Variants in PDE10A observed in about 807,000 individuals in gnomAD.
The protein encoded by PDE10A is phosphodiesterase 10A.
Under a neutral mutation model 97.7 loss-of-function variants are expected in PDE10A, and 39 were observed. The observed-to-expected ratio is 0.40, with a 90% CI of 0.31 to 0.52. PDE10A has a LOEUF of 0.52. Ranked by LOEUF, PDE10A falls within the 20% of genes least tolerant of loss-of-function variation. The pLI is 0.56. For synonymous variants in PDE10A, 371 were observed against 376.8 expected (o/e 0.98, Z 0.18); for missense variants, 731 against 1,047.8 (o/e 0.70, Z 4.17).
chr6:165,738,633 T>C lies in PDE10A; in HGVS notation c.-614-195065A>G, dbSNP rs199597329. Among the ~76,000 whole-genome samples the C allele has an allele frequency of 4.2e-4, 64 of 151,830 alleles. 1 individual carries two copies. The East Asian group carries it at 0.011, about 26-fold the overall frequency. On this transcript the variant is annotated intron_variant, in intron 1 of 19. Transcript: ENST00000366882. Reference sequence around the variant, plus strand: ...AACTAGTTTACAGTCCCACTAACAGTGTAAAAGTGTTCCTATTTCTCCACA... The same window carrying C: ...AACTAGTTTACAGTCCCACTAACAGCGTAAAAGTGTTCCTATTTCTCCACA...
At chr6:165,692,778 TC>T (rs1791338755) in intron 1 of PDE10A, among the ~76,000 whole-genome samples, 2 of 152,188 alleles carry the variant, frequency 1.3e-5, no homozygotes, top group African/African-American at 4.8e-5. Context: ...TCATATTGTA[TC>T]CACCTTTCCC....
At chr6:165,697,942 C>T (rs1315526287) in intron 1 of PDE10A, among the ~76,000 whole-genome samples, 1 of 152,158 alleles carries the variant, frequency 6.6e-6, no homozygotes, top group Non-Finnish European at 1.5e-5. Flanking sequence ...CTGGTTTATT[C>T]CTGTTACGCC....
At chr6:165,634,335 C>A (rs988759878) in intron 1 of PDE10A, among the ~76,000 whole-genome samples, 2 of 152,058 alleles carry the variant, frequency 1.3e-5, no homozygotes, top group Non-Finnish European at 2.9e-5. Flanking sequence ...CAGGGCACAG[C>A]TGGGAGAGTG....
In PDE10A at chr6:165,373,527, T is replaced by C. The variant is rs534518762; in HGVS notation, c.2783+5667A>G. Among the ~76,000 whole-genome samples the C allele has an allele frequency of 1.2e-4, 19 of 152,206 alleles. No homozygotes were observed. In the East Asian group the frequency reaches 1.5e-3, roughly 12 times the overall value. ...AGAGAAATGCAAATCAAAACCACAATGAGATACCATCTCACACCAGTTAGA... is the reference window on the plus strand; with the variant it reads ...AGAGAAATGCAAATCAAAACCACAACGAGATACCATCTCACACCAGTTAGA... On this transcript the variant is annotated intron_variant, in intron 18 of 21. Coordinates refer to ENST00000539869, the MANE Select transcript of PDE10A (RefSeq NM_001385079.1).
intron 1 of PDE10A, chr6:165,660,840 G>A (rs1319176504): frequency 6.6e-6 from 1 of 152,236 alleles, no homozygotes; most frequent in Non-Finnish European, 1.5e-5. Context: ...GCTCTGGGCC[G>A]CGGGAAGCCG....
chr6:165,769,422 T>C (rs1777945917), intron 1 of PDE10A, among the ~76,000 whole-genome samples: 1 of 152,124 alleles, frequency 6.6e-6, no homozygotes, highest in African/African-American at 2.4e-5. Flanking sequence ...ATAACCTATT[T>C]TGAAAAATAG....
intron 2 of PDE10A, among the ~76,000 whole-genome samples, chr6:165,518,390 C>G (rs77023591): frequency 1.3e-5 from 2 of 152,100 alleles, no homozygotes; most frequent in Non-Finnish European, 2.9e-5. Context: ...TCCACCATTC[C>G]GAGTAGTTAT....
chr6:165,545,534 G>A (rs1783696289), intron 1 of PDE10A, among the ~76,000 whole-genome samples: 1 of 151,876 alleles, frequency 6.6e-6, no homozygotes, highest in African/African-American at 2.4e-5. Context: ...TGAGATAAAA[G>A]ATATGCATCC....
Position 165,368,099 on chromosome 6 carries a change from G to A in PDE10A, c.2783+11095C>T, listed in dbSNP as rs571812021. 1.2e-4 allele frequency among the ~76,000 whole-genome samples: 18 copies of A among 152,240 alleles called. No homozygotes were observed. In the South Asian group the frequency reaches 1.7e-3, roughly 14 times the overall value. ...CTACCTCTACCTCCCGGGTTCAAGC[G>A]ATTTTCCTGCCTCAGCCTCCCGAGT... On this transcript the variant is annotated intron_variant, in intron 18 of 21. Transcript: ENST00000539869.
At chr6:165,489,046 C>T (rs1180190417) in intron 2 of PDE10A, among the ~76,000 whole-genome samples, 1 of 152,112 alleles carries the variant, frequency 6.6e-6, no homozygotes, top group Non-Finnish European at 1.5e-5. Flanking sequence ...TGAATATTTA[C>T]CCAAAGGCGA....
rs1783485733 is a variant in PDE10A, at chr6:165,362,494, G to A, written c.2783+16700C>T. Among the ~76,000 whole-genome samples the A allele has an allele frequency of 4.6e-5, 7 of 152,116 alleles. No homozygotes were observed. In the South Asian group the frequency reaches 1.4e-3, roughly 31 times the overall value. On this transcript the variant is annotated intron_variant, in intron 18 of 21. Transcript: ENST00000539869. Reference sequence around the variant, plus strand: ...GACAAATTTCTAGAAAGACACAAGTGACTAAATATGACATAAGAAGAAATA... The same window carrying A: ...GACAAATTTCTAGAAAGACACAAGTAACTAAATATGACATAAGAAGAAATA...
At chr6:165,803,890 TA>T (rs1779046380) in intron 1 of PDE10A, among the ~76,000 whole-genome samples, 1 of 152,180 alleles carries the variant, frequency 6.6e-6, no homozygotes, top group African/African-American at 2.4e-5. Context: ...AGGTGTGCTT[TA>T]AGTTGGTCTC....
chr6:165,451,283 C>T (rs1791272925), intron 3 of PDE10A, among the ~76,000 whole-genome samples: 1 of 152,198 alleles, frequency 6.6e-6, no homozygotes, highest in African/African-American at 2.4e-5. Context: ...AACCCCCACC[C>T]TGCTCCAGTT....
At chr6:165,826,485 G>A (rs1351363355) in intron 1 of PDE10A, among the ~76,000 whole-genome samples, 1 of 105,388 alleles carries the variant, frequency 9.5e-6, no homozygotes, top group East Asian at 2.1e-4. Flanking sequence ...CTGTCCCCAC[G>A]TCCCTCTGTC....
At chr6:165,428,610 T>C in intron 10 of PDE10A, 48 bp downstream of exon 10, 1 of 785,502 alleles carries the variant, frequency 1.3e-6, no homozygotes, top group East Asian at 2.7e-5. Flanking sequence ...ATTAGCACCA[T>C]GGGCCTAAGG....
chr6:165,482,348 G>C lies in PDE10A; in HGVS notation c.995-5C>G. ...CTTCCTTAGGAGCTGATTCATCTGG[G>C]GATAGAGAAGGAAGAGGGAAAAACA... is the stretch of plus-strand genomic sequence containing the variant. On this transcript the variant is annotated splice_region_variant and splice_polypyrimidine_tract_variant and intron_variant, in intron 2 of 21. Transcript: ENST00000539869. 1 of 1,599,062 alleles carries C rather than the reference G, an allele frequency of 6.3e-7. No homozygotes were observed. The highest frequency in any genetic ancestry group is 8.6e-7 in the Non-Finnish European group (1 of 1,166,618).
rs186396642 is a variant in PDE10A at position 165,967,420 on chromosome 6, C to T, written c.-615+20109G>A. Among the ~76,000 whole-genome samples, 9 of 152,286 alleles carry T rather than the reference C, an allele frequency of 5.9e-5. No individual in the cohort carries two copies. The East Asian group carries it at 1.7e-3, about 29-fold the overall frequency. ...GCTGAGGCAAGAGAATCACTTGATA[C>T]CGGGAGGCAAAGGTTGCAGTGAGCC... On this transcript the variant is annotated intron_variant, in intron 1 of 19. Transcript: ENST00000366882.
chr6:165,333,935 C>A (rs1781488360), intron 21 of PDE10A, among the ~76,000 whole-genome samples: 1 of 152,246 alleles, frequency 6.6e-6, no homozygotes, highest in Admixed American at 6.5e-5. Context: ...AAAATTCTCT[C>A]AAATTTCTTT....
intron 1 of PDE10A, among the ~76,000 whole-genome samples, chr6:165,858,724 A>C (rs1477898763): frequency 6.6e-6 from 1 of 152,156 alleles, no homozygotes; most frequent in Non-Finnish European, 1.5e-5. Context: ...CCAATTCAGC[A>C]TTGACTCCCA....
Sources: gnomAD v4.1 joint callset for allele counts (sites outside exome capture counted in the v4.1 genomes callset) on GRCh38, gnomAD v4.1.1 for gene constraint, MANE v1.5 for transcripts, NCBI Gene and HGNC (gene_info 2026-07-23, HGNC 2026-07-21) for gene names.